Variants in LRP1B observed in about 807,000 individuals in gnomAD.
LRP1B encodes low-density lipoprotein receptor-related protein 1B.
LRP1B carries 217 observed loss-of-function variants against 556.6 expected under a neutral mutation model. The observed-to-expected ratio is 0.39, with a 90% CI of 0.35 to 0.44. LRP1B has a LOEUF of 0.44. Among genes scored for constraint, LRP1B ranks in the 20% least tolerant of loss-of-function variants. The pLI is 1.00. For synonymous variants in LRP1B, 2,047 were observed against 1,865.8 expected, an observed-to-expected ratio of 1.10 and a Z score of -2.50; for missense variants, 5,053 against 5,620.8, an observed-to-expected ratio of 0.90 and a Z score of 3.23.
chr2:141,726,143 GTAA>G (rs766174187), intron 2 of LRP1B, among the ~76,000 whole-genome samples: 1 of 151,108 alleles, frequency 6.6e-6, no homozygotes, highest in Non-Finnish European at 1.5e-5. Flanking sequence ...TAAAAGTCAT[GTAA>G]TAATAAATGG....
chr2:140,666,290 T>A (rs1240655525), intron 41 of LRP1B, among the ~76,000 whole-genome samples: 1 of 110,096 alleles, frequency 9.1e-6, no homozygotes, highest in Non-Finnish European at 1.9e-5. Context: ...TTTAATATGA[T>A]CCATTTATTA....
chr2:140,269,005 A>C (rs1682333933), intron 86 of LRP1B, among the ~76,000 whole-genome samples: 1 of 152,036 alleles, frequency 6.6e-6, no homozygotes, highest in Non-Finnish European at 1.5e-5. Context: ...ATTAAAAGCT[A>C]CTATTTTCTA....
chr2:141,743,501 C>CTTTTTTTTTTTTTT (rs796287062), intron 2 of LRP1B, among the ~76,000 whole-genome samples: 43 of 118,992 alleles, frequency 3.6e-4, no homozygotes, highest in African/African-American at 5.5e-4. Context: ...TTTTTTTTTT[C>CTTTTTTTTTTTTTT]TTTTTTTTTT....
intron 7 of LRP1B, among the ~76,000 whole-genome samples, chr2:141,063,633 G>GTC (rs1019775241): frequency 6.8e-6 from 1 of 146,504 alleles, no homozygotes; most frequent in South Asian, 2.2e-4. Context: ...CTCCCCCTCC[G>GTC]TCTCTCTCTC....
In LRP1B at chr2:140,813,527, A is replaced by G; in HGVS notation, c.5359+130T>C. The G allele has an allele frequency of 4.1e-6, 3 of 731,316 alleles. No individual in the cohort carries two copies. In the South Asian group the frequency reaches 5.4e-5, roughly 13 times the overall value. 45.3% of individuals were successfully genotyped at this position (731,316 alleles called of 1,614,324 possible). On this transcript the variant is annotated intron_variant, in intron 32 of 90. Coordinates refer to ENST00000389484, the MANE Select transcript of LRP1B (RefSeq NM_018557.3). Reference sequence around the variant, plus strand: ...AAAAGAAGGAAGAGAAGAAAACCTCATAGAAGTGTTCAATTTGAATATAGT... The same window carrying G: ...AAAAGAAGGAAGAGAAGAAAACCTCGTAGAAGTGTTCAATTTGAATATAGT...
chr2:141,893,088 C>A (rs1050421735), intron 1 of LRP1B, among the ~76,000 whole-genome samples: 1 of 152,100 alleles, frequency 6.6e-6, no homozygotes, highest in South Asian at 2.1e-4. Flanking sequence ...TCTATTTAAA[C>A]CCTTCTGACT....
intron 17 of LRP1B, among the ~76,000 whole-genome samples, chr2:140,987,709 G>T (rs1558784114): frequency 6.6e-6 from 1 of 152,084 alleles, no homozygotes. Flanking sequence ...ATTGGGCTTG[G>T]CATGGTGGCT....
At chr2:141,421,241 T>C (rs1020194744) in intron 3 of LRP1B, among the ~76,000 whole-genome samples, 3 of 152,126 alleles carry the variant, frequency 2.0e-5, no homozygotes, top group Non-Finnish European at 4.4e-5. Context: ...AAAATTTACC[T>C]CTTTCGGCCG....
chr2:141,364,462 C>T (rs1688946946), intron 3 of LRP1B, among the ~76,000 whole-genome samples: 1 of 152,082 alleles, frequency 6.6e-6, no homozygotes, highest in African/African-American at 2.4e-5. Context: ...CATTGTACCC[C>T]ATAAATATGT....
At chr2:141,245,254 A>G (rs770410228) in intron 5 of LRP1B, among the ~76,000 whole-genome samples, 51 of 152,230 alleles carry the variant, frequency 3.4e-4, no homozygotes, top group Admixed American at 5.9e-4. Flanking sequence ...TCATAAATCA[A>G]GTCAGTAATT....
At chr2:141,725,781 C>T (rs1693006531) in intron 2 of LRP1B, among the ~76,000 whole-genome samples, 1 of 151,490 alleles carries the variant, frequency 6.6e-6, no homozygotes, top group African/African-American at 2.4e-5. Flanking sequence ...CAGGGCTTTG[C>T]ATCAGTGTAC....
chr2:141,709,290 A>T (rs1692266434), intron 2 of LRP1B, among the ~76,000 whole-genome samples: 1 of 152,092 alleles, frequency 6.6e-6, no homozygotes, highest in Non-Finnish European at 1.5e-5. Flanking sequence ...CAGAAGTTGC[A>T]GTGAGCCAAG....
At chr2:141,007,900 A>G (rs2105377060) in intron 14 of LRP1B, among the ~76,000 whole-genome samples, 1 of 151,814 alleles carries the variant, frequency 6.6e-6, no homozygotes, top group African/African-American at 2.4e-5. Context: ...AATACTACAT[A>G]TTAAGAGAGA....
rs181955643 is a variant in LRP1B, at chr2:141,897,069, T to C, written c.83-86668A>G. Among the ~76,000 whole-genome samples the C allele has an allele frequency of 8.5e-4, 130 of 152,282 alleles. 1 individual carries two copies. Among genetic ancestry groups the C allele is most frequent in the African/African-American group, 3.0e-3 (124 of 41,560 alleles). ...ATAAATTACATGTTCATAGGACATGTATTCCTGTTCTGGAATCAAATAATT... is the reference window on the plus strand; with the variant it reads ...ATAAATTACATGTTCATAGGACATGCATTCCTGTTCTGGAATCAAATAATT... On this transcript the variant is annotated intron_variant, in intron 1 of 90. Transcript: ENST00000389484.
At chr2:141,428,446 T>G (rs963919723) in intron 3 of LRP1B, among the ~76,000 whole-genome samples, 8 of 152,192 alleles carry the variant, frequency 5.3e-5, no homozygotes. Flanking sequence ...AGCTAAAAAC[T>G]TATTAATAGG....
intron 35 of LRP1B, among the ~76,000 whole-genome samples, chr2:140,766,745 A>G (rs1447665395): frequency 1.3e-5 from 2 of 149,452 alleles, no homozygotes; most frequent in African/African-American, 4.9e-5. Context: ...AGAAAACATA[A>G]TATCAGTTGA....
At chr2:141,317,250 C>T (rs1037432640) in intron 3 of LRP1B, among the ~76,000 whole-genome samples, 25 of 152,152 alleles carry the variant, frequency 1.6e-4, no homozygotes, top group Admixed American at 7.9e-4. Context: ...CAAAATACCA[C>T]ACACTGGGTA....
At chr2:141,543,050 A>G (rs1238510815) in intron 2 of LRP1B, among the ~76,000 whole-genome samples, 1 of 152,200 alleles carries the variant, frequency 6.6e-6, no homozygotes, top group Non-Finnish European at 1.5e-5. Context: ...TATATTTATT[A>G]TCCATATACC....
At chr2:141,103,624 G>T (rs1700523579) in intron 7 of LRP1B, among the ~76,000 whole-genome samples, 1 of 148,136 alleles carries the variant, frequency 6.8e-6, no homozygotes, top group Non-Finnish European at 1.5e-5. Flanking sequence ...TGTTTTCTTT[G>T]CCAATAGACA....
Sources: gnomAD v4.1 joint callset for allele counts (sites outside exome capture counted in the v4.1 genomes callset) on GRCh38, gnomAD v4.1.1 for gene constraint, MANE v1.5 for transcripts, NCBI Gene and HGNC (gene_info 2026-07-23, HGNC 2026-07-21) for gene names.